TIAM1: variants seen among roughly 807,000 people sequenced by gnomAD.
The protein encoded by TIAM1 is rho guanine nucleotide exchange factor TIAM1.
TIAM1 carries 65 observed loss-of-function variants against 163.5 expected under a neutral mutation model. The ratio of observed to expected loss-of-function variants is 0.40; its 90% CI spans 0.33 to 0.49. The LOEUF is 0.49. Among genes scored for constraint, TIAM1 ranks in the 20% least tolerant of loss-of-function variants. TIAM1 has a pLI of 0.77. For synonymous variants in TIAM1, 833 were observed against 810.1 expected, an observed-to-expected ratio of 1.03 and a Z score of -0.48; for missense variants, 1,789 against 2,044.7, an observed-to-expected ratio of 0.87 and a Z score of 2.41.
chr21:31,152,504 T>C lies in TIAM1; in HGVS notation c.3366+132A>G, dbSNP rs553179883. On this transcript the variant is annotated intron_variant, in intron 19 of 27. Coordinates refer to ENST00000541036, the MANE Select transcript of TIAM1 (RefSeq NM_001353694.2). ...AGCCAGACCAGCAAGACACACTCCA[T>C]TCCCCTCCCTCTCAGACACCCTTAG... is the stretch of plus-strand genomic sequence containing the variant. The C allele has an allele frequency of 2.6e-5, 32 of 1,253,468 alleles. No homozygotes were observed. In the South Asian group the frequency reaches 3.3e-4, roughly 13 times the overall value. The allele number at this position is 1,253,468 out of a possible 1,614,324, so 77.6% of individuals were successfully genotyped here.
intron 2 of TIAM1, among the ~76,000 whole-genome samples, chr21:31,397,508 T>C (rs761796173): frequency 4.2e-4 from 64 of 152,312 alleles, no homozygotes; most frequent in South Asian, 1.2e-3. Flanking sequence ...AAAATGAACA[T>C]TTCTAATTTA....
chr21:31,289,562 G>A (rs2073935830), intron 2 of TIAM1, among the ~76,000 whole-genome samples: 1 of 152,148 alleles, frequency 6.6e-6, no homozygotes, highest in African/African-American at 2.4e-5. Flanking sequence ...GCCGGTGCAA[G>A]ATATTTTGGC....
intron 2 of TIAM1, among the ~76,000 whole-genome samples, chr21:31,410,239 ATG>A (rs1260274177): frequency 1.3e-5 from 2 of 151,866 alleles, no homozygotes; most frequent in East Asian, 3.9e-4. Flanking sequence ...GATTGTGAGC[ATG>A]TGTGTGACAG....
At chr21:31,300,835 C>G (rs1467974580) in intron 2 of TIAM1, among the ~76,000 whole-genome samples, 1 of 152,158 alleles carries the variant, frequency 6.6e-6, no homozygotes, top group Admixed American at 6.5e-5. Flanking sequence ...TCAGAGTTAC[C>G]AAATAGAGAT....
At chr21:31,322,868 G>C (rs547504762) in intron 2 of TIAM1, among the ~76,000 whole-genome samples, 2 of 152,190 alleles carry the variant, frequency 1.3e-5, no homozygotes, top group Non-Finnish European at 1.5e-5. Context: ...GCCAGGCGGG[G>C]CCCACTTCAT....
At chr21:31,251,662 C>T in intron 5 of TIAM1, 80 bp downstream of exon 5, 1 of 1,409,516 alleles carries the variant, frequency 7.1e-7, no homozygotes, top group Non-Finnish European at 9.6e-7. Flanking sequence ...ACAACAAACC[C>T]ACCCATCCCG....
At position 31,474,981 on chromosome 21, in the gene TIAM1, T is replaced by C. The variant is rs1224483195; in HGVS notation, c.-421-10946A>G. On this transcript the variant is annotated intron_variant, in intron 1 of 28. Coordinates refer to the TIAM1 transcript ENST00000286827. ...TAATTGGAGACCCACAGAACAGGAT[T>C]TGAATTGCAGCCGCTCCACATATAA... 2.0e-5 allele frequency among the ~76,000 whole-genome samples: 3 copies of C among 151,682 alleles called. No individual in the cohort carries two copies. In the East Asian group the frequency reaches 5.8e-4, roughly 29 times the overall value.
At chr21:31,258,114 C>T (rs750672938) in intron 4 of TIAM1, among the ~76,000 whole-genome samples, 1 of 151,990 alleles carries the variant, frequency 6.6e-6, no homozygotes, top group Non-Finnish European at 1.5e-5. Context: ...TCTTCCACAG[C>T]ACATCGCTTC....
intron 11 of TIAM1, among the ~76,000 whole-genome samples, chr21:31,204,091 T>C (rs1458447969): frequency 6.6e-6 from 1 of 150,388 alleles, no homozygotes; most frequent in Non-Finnish European, 1.5e-5. Flanking sequence ...TCATTCTCAG[T>C]AGACAGTCAA....
At chr21:31,501,076 T>C (rs1159086941) in intron 1 of TIAM1, among the ~76,000 whole-genome samples, 1 of 152,022 alleles carries the variant, frequency 6.6e-6, no homozygotes, top group Non-Finnish European at 1.5e-5. Flanking sequence ...TGTTGGTTCT[T>C]TTTTTTTCCC....
chr21:31,234,829 A>G (rs986589842), intron 6 of TIAM1, among the ~76,000 whole-genome samples: 6 of 152,106 alleles, frequency 3.9e-5, no homozygotes, highest in African/African-American at 1.2e-4. Context: ...CATATATACT[A>G]AAAAAGGATC....
At chr21:31,397,175 A>AT (rs2077087562) in intron 2 of TIAM1, among the ~76,000 whole-genome samples, 1 of 152,150 alleles carries the variant, frequency 6.6e-6, no homozygotes, top group South Asian at 2.1e-4. Context: ...GGGAATTAGG[A>AT]TTTTTTAGGT....
intron 16 of TIAM1, among the ~76,000 whole-genome samples, chr21:31,154,699 C>T (rs9647060): frequency 0.064 from 9,716 of 152,194 alleles, 360 homozygotes; most frequent in Non-Finnish European, 0.082. Context: ...ACAACGGAAG[C>T]CCAGAGGGGT....
intron 23 of TIAM1, among the ~76,000 whole-genome samples, chr21:31,134,853 G>A (rs113907254): frequency 2.5e-4 from 38 of 152,248 alleles, no homozygotes; most frequent in African/African-American, 7.9e-4. Context: ...AGCTACAGGG[G>A]CTCTTTGGAA....
At position 31,390,865 on chromosome 21, in the gene TIAM1, G is replaced by A. The variant is rs986011919; in HGVS notation, c.-368-51443C>T. ...CTCCTCATTCTCCTTTCTTCATGCA[G>A]AAAGTGACGACTAGCTTTTCCAGGA... On this transcript the variant is annotated intron_variant, in intron 2 of 28. Transcript: ENST00000286827. 3.9e-5 allele frequency among the ~76,000 whole-genome samples: 6 copies of A among 152,236 alleles called. No homozygotes were observed. In the South Asian group the frequency reaches 1.2e-3, roughly 32 times the overall value.
chr21:31,212,637 G>A (rs1305028516), intron 10 of TIAM1: 2 of 125,540 alleles, frequency 1.6e-5, no homozygotes, highest in Non-Finnish European at 1.6e-5. Flanking sequence ...TTTTGAGAGA[G>A]AGTCTTGCTC....
upstream of TIAM1, among the ~76,000 whole-genome samples, chr21:31,346,924 G>A (rs952347587): frequency 6.6e-6 from 1 of 151,642 alleles, no homozygotes; most frequent in Admixed American, 6.6e-5. Flanking sequence ...CCTTCTTTCT[G>A]ATATTATTAT....
intron 1 of TIAM1, among the ~76,000 whole-genome samples, chr21:31,520,068 C>T (rs772843502): frequency 6.6e-6 from 1 of 152,180 alleles, no homozygotes; most frequent in African/African-American, 2.4e-5. Context: ...GCGGTGGCCA[C>T]GCCTTGAATC....
chr21:31,421,434 T>C (rs565695877), intron 2 of TIAM1, among the ~76,000 whole-genome samples: 39 of 152,282 alleles, frequency 2.6e-4, no homozygotes, highest in African/African-American at 9.1e-4. Flanking sequence ...AGGTGGGCAG[T>C]GGGCAAGCGG....
Sources: gnomAD v4.1 joint callset for allele counts (sites outside exome capture counted in the v4.1 genomes callset) on GRCh38, gnomAD v4.1.1 for gene constraint, MANE v1.5 for transcripts, NCBI Gene and HGNC (gene_info 2026-07-23, HGNC 2026-07-21) for gene names.